The following SLC14A2 variants were observed in gnomAD, a reference collection of about 807,000 sequenced individuals.
SLC14A2 encodes urea transporter 2.
Under a neutral mutation model 104.6 loss-of-function variants are expected in SLC14A2, and 91 were observed. The observed-to-expected ratio is 0.87, with a 90% CI of 0.73 to 1.04. The LOEUF (loss-of-function observed/expected upper bound fraction) is 1.04. Among genes scored for constraint, SLC14A2 ranks in the 50% least tolerant of loss-of-function variants. The pLI is 0.00. For missense variants in SLC14A2, 1,189 were observed against 1,156.0 expected, an observed-to-expected ratio of 1.03 and a Z score of -0.41; for synonymous variants, 476 against 466.4, an observed-to-expected ratio of 1.02 and a Z score of -0.27.
intron 2 of SLC14A2, among the ~76,000 whole-genome samples, chr18:45,565,685 G>A (rs2044256712): frequency 6.6e-6 from 1 of 152,186 alleles, no homozygotes; most frequent in Admixed American, 6.6e-5. Context: ...GATGTTCCCA[G>A]CACACGCATC....
intron 10 of SLC14A2, among the ~76,000 whole-genome samples, chr18:45,649,496 A>C (rs1416472234): frequency 6.6e-6 from 1 of 152,172 alleles, no homozygotes; most frequent in Non-Finnish European, 1.5e-5. Context: ...CCATTCTATC[A>C]TCCATTTGGA....
the SLC14A2 span, among the ~76,000 whole-genome samples, chr18:45,170,909 A>G: frequency 6.6e-6 from 1 of 152,206 alleles, no homozygotes; most frequent in African/African-American, 2.4e-5. Flanking sequence ...TGGGGGTAGG[A>G]GAAGATGCAA....
chr18:45,475,666 T>TATTTAGG (rs1568228077), intron 1 of SLC14A2, among the ~76,000 whole-genome samples: 1 of 101,828 alleles, frequency 9.8e-6, no homozygotes, highest in Non-Finnish European at 2.1e-5. Flanking sequence ...TATATATATA[T>TATTTAGG]ATATATATAT....
chr18:45,621,229 T>C (rs1476813312), intron 1 of SLC14A2, among the ~76,000 whole-genome samples: 26 of 152,226 alleles, frequency 1.7e-4, no homozygotes. Context: ...CCTAAACCTT[T>C]CCAGCATGCC....
intron 2 of SLC14A2, among the ~76,000 whole-genome samples, chr18:45,523,190 T>A (rs1447940435): frequency 4.3e-4 from 2 of 4,620 alleles, no homozygotes; most frequent in Non-Finnish European, 1.4e-3. Flanking sequence ...GCCAAGAAAG[T>A]TCCTCCAGCT....
intron 13 of SLC14A2, among the ~76,000 whole-genome samples, chr18:45,667,453 C>T (rs1339542823): frequency 6.6e-6 from 1 of 152,216 alleles, no homozygotes; most frequent in Non-Finnish European, 1.5e-5. Flanking sequence ...AGAACTGTGT[C>T]TACCATGCCA....
chr18:45,252,792 C>CTTTTTTTTTTTTTTTTT (rs745363624), intron 1 of SLC14A2, among the ~76,000 whole-genome samples: 1 of 126,960 alleles, frequency 7.9e-6, no homozygotes, highest in Non-Finnish European at 1.6e-5. Flanking sequence ...GCAATATTGA[C>CTTTTTTTTTTTTTTTTT]TTTTTTTTTT....
intron 10 of SLC14A2, chr18:45,644,401 G>T: frequency 2.4e-6 from 1 of 418,860 alleles, no homozygotes. Context: ...AAAATTTCCG[G>T]AGTTAGCAAT....
At chr18:45,279,769 C>T (rs2084742376) in intron 1 of SLC14A2, among the ~76,000 whole-genome samples, 1 of 152,180 alleles carries the variant, frequency 6.6e-6, no homozygotes, top group African/African-American at 2.4e-5. Flanking sequence ...TTACAACCAT[C>T]CAAGGCTCAC....
Position 45,411,996 on chromosome 18 carries a change from T to C in SLC14A2, c.-124-71237T>C, listed in dbSNP as rs1418168053. Reference sequence around the variant, plus strand: ...CCAAGAAAAAGTCTGAATCCGTCCATAGGATTCCTTTCTCCTTCCATCCTG... The same window carrying C: ...CCAAGAAAAAGTCTGAATCCGTCCACAGGATTCCTTTCTCCTTCCATCCTG... On this transcript the variant is annotated intron_variant, in intron 1 of 20. Transcript: ENST00000586448. Among the ~76,000 whole-genome samples, 4 of 152,196 alleles carry C rather than the reference T, an allele frequency of 2.6e-5. 1 individual carries two copies. Among genetic ancestry groups the C allele is most frequent in the South Asian group, 4.1e-4 (2 of 4,830 alleles).
intron 2 of SLC14A2, among the ~76,000 whole-genome samples, chr18:45,545,902 A>G (rs964979928): frequency 1.3e-5 from 2 of 152,222 alleles, no homozygotes; most frequent in Non-Finnish European, 2.9e-5. Flanking sequence ...TTAAACAGCT[A>G]TTAAGTTGTT....
intron 2 of SLC14A2, among the ~76,000 whole-genome samples, chr18:45,506,563 AGACAT>A (rs2043288885): frequency 6.6e-6 from 1 of 152,196 alleles, no homozygotes; most frequent in African/African-American, 2.4e-5. Flanking sequence ...AGACAGAAAA[AGACAT>A]GAGAGAGAGA....
intron 2 of SLC14A2, among the ~76,000 whole-genome samples, chr18:45,525,991 A>G (rs1485762563): frequency 2.0e-5 from 3 of 152,240 alleles, no homozygotes; most frequent in Non-Finnish European, 4.4e-5. Flanking sequence ...GTAAGCAAAA[A>G]GGCAAGAAAA....
At chr18:45,302,190 T>C (rs768680143) in intron 1 of SLC14A2, among the ~76,000 whole-genome samples, 6 of 152,254 alleles carry the variant, frequency 3.9e-5, no homozygotes, top group Non-Finnish European at 5.9e-5. Flanking sequence ...CATTCAAGGC[T>C]CTTGGGCAAT....
intron 2 of SLC14A2, among the ~76,000 whole-genome samples, chr18:45,505,720 G>A (rs2043273665): frequency 1.3e-5 from 2 of 152,164 alleles, no homozygotes; most frequent in Admixed American, 1.3e-4. Context: ...CTCAGGAGAC[G>A]CTGACATTTT....
chr18:45,170,914 A>G, the SLC14A2 span, among the ~76,000 whole-genome samples: 13 of 152,298 alleles, frequency 8.5e-5, no homozygotes, highest in South Asian at 4.2e-4. Flanking sequence ...GTAGGAGAAG[A>G]TGCAAAATGT....
At chr18:45,210,594 A>T (rs1031186394), upstream of SLC14A2, among the ~76,000 whole-genome samples, 1 of 152,212 alleles carries the variant, frequency 6.6e-6, no homozygotes, top group African/African-American at 2.4e-5. Flanking sequence ...AGTAAAGCTG[A>T]GTATTGTCAT....
At chr18:45,562,096 C>G (rs1237522324) in intron 2 of SLC14A2, among the ~76,000 whole-genome samples, 1 of 152,146 alleles carries the variant, frequency 6.6e-6, no homozygotes, top group African/African-American at 2.4e-5. Context: ...TTGAGACTCC[C>G]CGTTCCAGTT....
At chr18:45,485,983 C>G (rs535717059) in intron 2 of SLC14A2, among the ~76,000 whole-genome samples, 2 of 151,742 alleles carry the variant, frequency 1.3e-5, no homozygotes, top group Non-Finnish European at 2.9e-5. Flanking sequence ...TCTGTCAAAT[C>G]AAGTGGATGA....
Sources: allele counts gnomAD v4.1 joint callset (sites outside exome capture counted in the v4.1 genomes callset), GRCh38; gene constraint gnomAD v4.1.1; transcripts MANE v1.5; gene names NCBI Gene and HGNC (gene_info 2026-07-23, HGNC 2026-07-21).